The following PSME4 variants were observed in gnomAD, a reference collection of about 807,000 sequenced individuals.
The protein encoded by PSME4 is proteasome activator subunit 4, also known as proteasome activator complex subunit 4.
In PSME4, 89 loss-of-function variants were observed where a neutral mutation model predicts 253.9. The observed-to-expected ratio is 0.35, with a 90% CI of 0.30 to 0.42. PSME4 has a LOEUF of 0.42. PSME4 is among the 10% of genes least tolerant of loss of function. The pLI is 1.00. For synonymous variants in PSME4, 851 were observed against 759.2 expected (o/e 1.12, Z -1.99); for missense variants, 2,014 against 2,195.2 (o/e 0.92, Z 1.65).
intron 10 of PSME4, among the ~76,000 whole-genome samples, chr2:53,930,929 C>T (rs1319570083): frequency 6.6e-6 from 1 of 152,132 alleles, no homozygotes; most frequent in Admixed American, 6.5e-5. Context: ...ATCAGAGGTA[C>T]AACAGAAAGC....
At position 53,866,805 on chromosome 2, in the gene PSME4, C is replaced by T; in HGVS notation, c.5339G>A (p.Trp1780Ter). The T allele has an allele frequency of 1.2e-6, 2 of 1,613,948 alleles. No individual in the cohort carries two copies. The highest frequency in any genetic ancestry group is 1.7e-6 in the Non-Finnish European group (2 of 1,179,874). Residue 1780 changes from tryptophan (W) to a stop codon, truncating the protein, a stop_gained, in exon 45 of 47, where the codon TGG becomes TAG. Transcript: ENST00000404125. LOFTEE classifies it high-confidence loss of function. ...VLSSPYDVPT[W>*]MPQLLMNLSA... is the part of the protein sequence containing the mutation. ...GAGATTCATGAGGAGCTGGGGCATC[C>T]AGGTGGGAACATCGTAAGGACTAGA...
In PSME4 at chr2:53,866,234, G is replaced by A; in HGVS notation, c.5398-11C>T. 1 of 1,613,412 alleles carries A rather than the reference G, an allele frequency of 6.2e-7. No homozygotes were observed. Among genetic ancestry groups the A allele is most frequent in the Non-Finnish European group, 8.5e-7 (1 of 1,179,706 alleles). ...TTTTTTTACAGTCATCTGTAAAGTA[G>A]ACAACCCACATACGTTTTAACCTCT... On this transcript the variant is annotated splice_polypyrimidine_tract_variant and intron_variant, in intron 45 of 46. Transcript: ENST00000404125.
At chr2:53,875,290 C>A (rs1323181927) in intron 42 of PSME4, among the ~76,000 whole-genome samples, 1 of 152,060 alleles carries the variant, frequency 6.6e-6, no homozygotes, top group South Asian at 2.1e-4. Context: ...CTAGAAAAGA[C>A]CAGGTAACAG....
At chr2:53,939,651 G>C (rs1344264154) in intron 4 of PSME4, among the ~76,000 whole-genome samples, 2 of 152,094 alleles carry the variant, frequency 1.3e-5, no homozygotes. Flanking sequence ...CCACCTTCTT[G>C]GCATTACTCC....
intron 41 of PSME4, among the ~76,000 whole-genome samples, chr2:53,885,463 G>A (rs540543825): frequency 1.3e-5 from 2 of 152,182 alleles, no homozygotes; most frequent in East Asian, 3.9e-4. Flanking sequence ...ACAATATTCC[G>A]TTAAATTTTC....
chr2:53,970,548 G>T lies in PSME4; in HGVS notation c.237C>A (p.Leu79=). The T allele has an allele frequency of 6.5e-7, 1 of 1,548,238 alleles. No homozygotes were observed. ...GCAGGCCCGGGCACACTTACGTGGA[G>T]AGTTTCCTGGTCCAGAAGAGGCCCC... ...WPGGLFWTRK[L]STYIRLYGRK... The change falls in exon 1 of 47, where the codon CTC becomes CTA. Residue 79 remains leucine, a synonymous_variant. Transcript: ENST00000404125.
At chr2:53,929,934 C>T (rs769778161) in intron 10 of PSME4, among the ~76,000 whole-genome samples, 7 of 152,026 alleles carry the variant, frequency 4.6e-5, no homozygotes, top group Non-Finnish European at 1.0e-4. Flanking sequence ...AGGAGAATCG[C>T]TTGAACCCGA....
At chr2:53,894,165 T>C (rs1680037152) in intron 34 of PSME4, among the ~76,000 whole-genome samples, 1 of 152,186 alleles carries the variant, frequency 6.6e-6, no homozygotes, top group African/African-American at 2.4e-5. Context: ...CATATTTACC[T>C]AACACCAGAA....
At chr2:53,923,662 C>T (rs1039420857) in intron 14 of PSME4, among the ~76,000 whole-genome samples, 3 of 152,104 alleles carry the variant, frequency 2.0e-5, no homozygotes, top group African/African-American at 7.2e-5. Context: ...GTGGCTCACA[C>T]CTGTAATTTT....
Position 53,970,834 on chromosome 2 carries a change from C to A in PSME4, c.-50G>T. ...CCCTCCCACCCGAACCCTCCCCGGCCCCCACCCCTCTCCGGGCTCCGCCTC... is the reference window on the plus strand; with the variant it reads ...CCCTCCCACCCGAACCCTCCCCGGCACCCACCCCTCTCCGGGCTCCGCCTC... On this transcript the variant is annotated 5_prime_UTR_variant, in exon 1 of 47. Coordinates refer to ENST00000404125, the MANE Select transcript of PSME4 (RefSeq NM_014614.3). 2 of 1,384,870 alleles carry A rather than the reference C, an allele frequency of 1.4e-6. No homozygotes were observed. Among genetic ancestry groups the A allele is most frequent in the South Asian group, 3.0e-5 (2 of 67,474 alleles). The allele number at this position is 1,384,870 out of a possible 1,614,324, so 85.8% of individuals were successfully genotyped here. A position where few individuals can be genotyped will look rare whatever the true frequency, so the allele number is the denominator to read the frequency against.
In PSME4 at chr2:53,908,320, C is replaced by A. The variant is rs780009351; in HGVS notation, c.2784G>T (p.Arg928=). The part of the protein sequence containing the change: ...FNLVKKSMEN[R]LHGKKQHIRA... ...CAGACTTTTAGGTGAAAATACTGAC[C>A]CGATTTTCCATTGATTTCTTTACTA... is the stretch of plus-strand genomic sequence containing the variant. Residue 928 remains arginine (R), a splice_region_variant and synonymous_variant, in exon 24 of 47, where the codon CGG becomes CGT. Transcript: ENST00000404125. 6.2e-7 allele frequency: 1 copy of A among 1,605,118 alleles called. No homozygotes were observed. Among genetic ancestry groups the A allele is most frequent in the South Asian group, 1.1e-5 (1 of 90,456 alleles).
chr2:53,941,990 A>T (rs1163719200), intron 3 of PSME4, among the ~76,000 whole-genome samples: 1 of 152,164 alleles, frequency 6.6e-6, no homozygotes, highest in African/African-American at 2.4e-5. Flanking sequence ...GAAGAATAGG[A>T]AGTTAATTAT....
intron 41 of PSME4, among the ~76,000 whole-genome samples, chr2:53,881,671 G>A (rs755067978): frequency 2.6e-5 from 4 of 151,122 alleles, no homozygotes; most frequent in African/African-American, 4.9e-5. Flanking sequence ...TGCAGCCTCC[G>A]CCTCCAGGGT....
chr2:53,898,326 G>T lies in PSME4; in HGVS notation c.3451C>A (p.Leu1151Ile). The T allele has an allele frequency of 6.2e-7, 1 of 1,606,160 alleles. No individual in the cohort carries two copies. The highest frequency in any genetic ancestry group is 2.2e-5 in the East Asian group (1 of 44,772). ...AGGTTTCTTTGCTCCACACCATCTA[G>T]CAAGGTGTCTACCAAATTTTCATAG... ...RNYENLVDTL[L>I]DGVEQRNLPW... The change falls in exon 30 of 47, where the codon CTA becomes ATA. Residue 1151 changes from leucine (L) to isoleucine (I), a missense_variant. Transcript: ENST00000404125.
chr2:53,867,231 A>C (rs1007163788), intron 44 of PSME4, among the ~76,000 whole-genome samples: 6 of 152,148 alleles, frequency 3.9e-5, no homozygotes, highest in Non-Finnish European at 8.8e-5. Flanking sequence ...GTGGCCAGGC[A>C]TGGTGGTTCA....
Position 53,932,001 on chromosome 2 carries a change from C to T in PSME4, c.1150G>A (p.Asp384Asn). The change falls in exon 10 of 47, where the codon GAT becomes AAT. Residue 384 changes from aspartate (D) to asparagine (N), a missense_variant. Transcript: ENST00000404125. ...TCTTGATCAGTAAGCTTGTGGCTAT[C>T]AGGCACAGGAGTTAACCAAGAGGGC... ...KKPSWLTPVP[D>N]SHKLTDQDVT... 1 of 1,613,752 alleles carries T rather than the reference C, an allele frequency of 6.2e-7. No individual in the cohort carries two copies.
chr2:53,954,338 GGAAA>G (rs1225280939), intron 1 of PSME4, among the ~76,000 whole-genome samples: 2 of 148,176 alleles, frequency 1.3e-5, no homozygotes, highest in Non-Finnish European at 3.0e-5. Context: ...AAAAAAAAAA[GGAAA>G]GAAAGAAAGA....
intron 20 of PSME4, among the ~76,000 whole-genome samples, chr2:53,911,518 T>C (rs1667826589): frequency 6.6e-6 from 1 of 152,094 alleles, no homozygotes; most frequent in South Asian, 2.1e-4. Flanking sequence ...TTTACTGAAA[T>C]TAGATTTCAC....
chr2:53,934,392 C>T (rs1213062097), intron 8 of PSME4, among the ~76,000 whole-genome samples: 1 of 152,106 alleles, frequency 6.6e-6, no homozygotes, highest in East Asian at 1.9e-4. Context: ...AGATTTTTGA[C>T]TCTATTTATA....
Sources: gnomAD v4.1 joint callset for allele counts (sites outside exome capture counted in the v4.1 genomes callset) on GRCh38, gnomAD v4.1.1 for gene constraint, MANE v1.5 for transcripts, NCBI Gene and HGNC (gene_info 2026-07-23, HGNC 2026-07-21) for gene names.